Variants in FAM20C observed in about 807,000 individuals in gnomAD.
The protein encoded by FAM20C is extracellular serine/threonine protein kinase FAM20C.
A neutral mutation model predicts 51.5 loss-of-function variants in FAM20C; 40 were observed. The ratio of observed to expected loss-of-function variants is 0.78; its 90% CI spans 0.60 to 1.01. The LOEUF is 1.01. Among genes scored for constraint, FAM20C ranks in the 50% least tolerant of loss-of-function variants. The pLI is 0.00. For synonymous variants in FAM20C, 406 were observed against 380.6 expected, an observed-to-expected ratio of 1.07 and a Z score of -0.78; for missense variants, 861 against 844.7, an observed-to-expected ratio of 1.02 and a Z score of -0.24.
At chr7:241,128 T>C (rs1583324199) in intron 3 of FAM20C, among the ~76,000 whole-genome samples, 1 of 151,916 alleles carries the variant, frequency 6.6e-6, no homozygotes, top group African/African-American at 2.4e-5. Context: ...GCTTTCTTCC[T>C]TGCCCCTGGG....
chr7:244,236 C>G (rs771408123), intron 3 of FAM20C, among the ~76,000 whole-genome samples: 4 of 152,134 alleles, frequency 2.6e-5, no homozygotes, highest in Admixed American at 1.3e-4. Flanking sequence ...AGAAATCTTG[C>G]CTCCATCTGG....
chr7:195,364 G>A (rs1583272976), intron 1 of FAM20C, 190 bp from the exon 2 acceptor site: 1 of 461,734 alleles, frequency 2.2e-6, no homozygotes. Flanking sequence ...CGTGTTATTA[G>A]TTGGCAGCCG....
chr7:256,359 G>T, intron 6 of FAM20C: 1 of 567,320 alleles, frequency 1.8e-6, no homozygotes, highest in South Asian at 2.3e-5. Context: ...TCCGCCCCAC[G>T]TTGTCCTCGT....
At chr7:258,548 G>C (rs146387700) in intron 8 of FAM20C, 98 bp from the exon 9 acceptor site, 2 of 1,234,812 alleles carry the variant, frequency 1.6e-6, no homozygotes. Flanking sequence ...CTGGGGTGTC[G>C]GGTACAGGCA....
intron 2 of FAM20C, among the ~76,000 whole-genome samples, chr7:200,868 C>G (rs996811945): frequency 7.2e-5 from 11 of 152,142 alleles, no homozygotes; most frequent in African/African-American, 2.7e-4. Context: ...TCTTCCAGCC[C>G]CTTACCTCGC....
Position 256,751 on chromosome 7 carries a change from G to A in FAM20C, c.1351G>A (p.Asp451Asn), listed in dbSNP as rs2115173146. 2 of 1,536,102 alleles carry A rather than the reference G, an allele frequency of 1.3e-6. No homozygotes were observed. Among genetic ancestry groups the A allele is most frequent in the Non-Finnish European group, 1.7e-6 (2 of 1,146,814 alleles). The change falls in exon 7 of 10, where the codon GAC becomes AAC. Residue 451 changes from aspartate (D) to asparagine (N), a missense_variant. Physicochemically the swap from Asp to Asn is conservative, Grantham distance 23. Around this residue, in one of 3 missense-constraint regions of FAM20C, gnomAD observed 269 missense variants for 283.8 expected, o/e 0.95. Coordinates refer to ENST00000313766, the MANE Select transcript of FAM20C (RefSeq NM_020223.4). The stretch of plus-strand genomic sequence containing the variant: ...GGACGTCATGGACATGACGATCTTC[G>A]ACTTCCTCATGGGTACGTCCCGCAG... Reference protein sequence around the residue: ...ILDVMDMTIFDFLMGNMDRHH... With the variant: ...ILDVMDMTIFNFLMGNMDRHH...
intron 3 of FAM20C, among the ~76,000 whole-genome samples, chr7:231,486 G>A (rs1787679904): frequency 3.3e-5 from 5 of 151,490 alleles, no homozygotes; most frequent in Admixed American, 3.3e-4. Context: ...TGTGGGAGGA[G>A]GGTCCCGGCG....
At chr7:249,490 C>T (rs936988151) in intron 5 of FAM20C, among the ~76,000 whole-genome samples, 10 of 152,240 alleles carry the variant, frequency 6.6e-5, no homozygotes, top group Non-Finnish European at 1.5e-4. Context: ...CCTGTAATCT[C>T]AGCATTTTGG....
At chr7:257,818 GGGGTGCTGGAGATGGGCA>G (rs1788655586) in intron 8 of FAM20C, among the ~76,000 whole-genome samples, 1 of 108,866 alleles carries the variant, frequency 9.2e-6, no homozygotes, top group African/African-American at 3.6e-5. Context: ...CCCACTGCCC[GGGGTGCTGGAGATGGGCA>G]GGGTGGACCC....
At chr7:257,119 A>G (rs1212896229) in intron 8 of FAM20C, 33 bp downstream of exon 8, 4 of 1,532,344 alleles carry the variant, frequency 2.6e-6, no homozygotes, top group South Asian at 1.2e-5. Flanking sequence ...ACACCCAGGG[A>G]AGGGCCGGCC....
chr7:254,207 A>G (rs766871476), intron 5 of FAM20C, among the ~76,000 whole-genome samples: 3 of 152,122 alleles, frequency 2.0e-5, no homozygotes, highest in Non-Finnish European at 2.9e-5. Flanking sequence ...TTGTTCAGCT[A>G]AGAAAGGGCA....
chr7:220,593 G>T (rs1787217937), intron 3 of FAM20C, among the ~76,000 whole-genome samples: 1 of 152,178 alleles, frequency 6.6e-6, no homozygotes, highest in Admixed American at 6.5e-5. Flanking sequence ...GCACCGCCTG[G>T]GGAAGTCCTA....
intron 2 of FAM20C, among the ~76,000 whole-genome samples, chr7:205,844 G>A (rs926117856): frequency 3.9e-5 from 6 of 151,956 alleles, no homozygotes; most frequent in African/African-American, 1.2e-4. Context: ...GGCCCCCCAC[G>A]AAGCCCGCTG....
chr7:217,055 A>G (rs1342534324), intron 3 of FAM20C, among the ~76,000 whole-genome samples: 2 of 152,132 alleles, frequency 1.3e-5, no homozygotes, highest in African/African-American at 2.4e-5. Flanking sequence ...ACCCAGGCAC[A>G]GCTCCGGGGC....
chr7:211,879 G>T (rs76057143), intron 3 of FAM20C, among the ~76,000 whole-genome samples: 2 of 152,186 alleles, frequency 1.3e-5, no homozygotes, highest in Non-Finnish European at 2.9e-5. Context: ...CACCTCAGGC[G>T]GGCGGGCGTG....
intron 2 of FAM20C, chr7:197,521 C>T (rs1785936135): frequency 6.0e-6 from 1 of 166,844 alleles, no homozygotes; most frequent in African/African-American, 2.4e-5. Flanking sequence ...AGCTCATTTT[C>T]CCCATCTGTC....
chr7:218,639 C>T (rs1787112507), intron 3 of FAM20C, among the ~76,000 whole-genome samples: 1 of 152,238 alleles, frequency 6.6e-6, no homozygotes. Flanking sequence ...GTGTCCACCA[C>T]GTGGCCCAGC....
At chr7:203,497 C>T (rs754074707) in intron 2 of FAM20C, among the ~76,000 whole-genome samples, 17 of 152,234 alleles carry the variant, frequency 1.1e-4, no homozygotes, top group Non-Finnish European at 1.3e-4. Flanking sequence ...CCACCCATCC[C>T]GATGAGCACC....
intron 2 of FAM20C, among the ~76,000 whole-genome samples, chr7:196,961 C>G (rs891385337): frequency 6.6e-6 from 1 of 152,172 alleles, no homozygotes; most frequent in African/African-American, 2.4e-5. Flanking sequence ...GGCCCCCCTC[C>G]GTGAAAGCGC....
Sources: gnomAD v4.1 joint callset for allele counts (sites outside exome capture counted in the v4.1 genomes callset) on GRCh38, gnomAD v4.1.1 for gene constraint, gnomAD v4.1.1 regional missense constraint, MANE v1.5 for transcripts, NCBI Gene and HGNC (gene_info 2026-07-23, HGNC 2026-07-21) for gene names.